The following WIZ variants were observed in gnomAD, a reference collection of about 807,000 sequenced individuals.
WIZ encodes the protein protein Wiz.
Under a neutral mutation model 140.2 loss-of-function variants are expected in WIZ, and 25 were observed. The ratio of observed to expected loss-of-function variants is 0.18; its 90% CI spans 0.13 to 0.25. The LOEUF (loss-of-function observed/expected upper bound fraction) is 0.25. Among genes scored for constraint, WIZ ranks in the 10% least tolerant of loss-of-function variants. The pLI is 1.00. For missense variants in WIZ, 2,231 were observed against 2,632.6 expected (o/e 0.85, Z 3.34); for synonymous variants, 1,125 against 1,154.3 (o/e 0.97, Z 0.51).
Position 15,440,185 on chromosome 19 carries a change from G to A in WIZ, c.809C>T (p.Ser270Leu), listed in dbSNP as rs899186592. Residue 270 changes from serine to leucine, a missense_variant, in exon 4 of 13, where the codon TCG becomes TTG. Physicochemically the swap from Ser to Leu is moderately radical, Grantham distance 145. This residue lies in a region of WIZ where 307 missense variants were observed against 294.1 expected (regional missense o/e 1.04). Transcript: ENST00000673675. The surrounding 1 kb of genome is among the most constrained non-coding windows in gnomAD (Gnocchi z 6.2). ...CTGCAGCCGCTCCACAGAAGCCTCC[G>A]AGTTCACTGTCCAGGTCTGTGTGGC... ...EVATQTWTVNSEASVERLQPL... is the reference protein window; with the variant it reads ...EVATQTWTVNLEASVERLQPL... 3.8e-5 allele frequency: 58 copies of A among 1,531,978 alleles called. No homozygotes were observed. In the Admixed American group the frequency reaches 8.3e-4, roughly 22 times the overall value. 94.9% of individuals were successfully genotyped at this position (1,531,978 alleles called of 1,614,324 possible).
In WIZ at chr19:15,421,971, C is replaced by A. The variant is rs986890859; in HGVS notation, c.*1105G>T. On this transcript the variant is annotated 3_prime_UTR_variant, in exon 13 of 13. Coordinates refer to ENST00000673675, the MANE Select transcript of WIZ (RefSeq NM_001371589.1). ...TGCGTCTGGTCGGCTTGGCGGCCAA[C>A]TGGAAAACCCAGGGCCTCCATGGCG... The A allele has an allele frequency of 1.3e-5, 2 of 152,216 alleles. No individual in the cohort carries two copies. The highest frequency in any genetic ancestry group is 2.9e-5 in the Non-Finnish European group (2 of 68,032). The allele number at this position is 152,216 out of a possible 1,614,324, so 9.4% of individuals were successfully genotyped here.
chr19:15,430,799 CGCCCCGT>C (rs1969183267), intron 6 of WIZ, among the ~76,000 whole-genome samples: 1 of 152,234 alleles, frequency 6.6e-6, no homozygotes, highest in Non-Finnish European at 1.5e-5. Flanking sequence ...TGCTGTCCCT[CGCCCCGT>C]GAGGGTGCAG....
Position 15,424,597 on chromosome 19 carries a change from TCCA to T in WIZ, c.5314+13_5314+15del, listed in dbSNP as rs760991686. 8 of 1,580,474 alleles carry T rather than the reference TCCA, an allele frequency of 5.1e-6. No individual in the cohort carries two copies. The South Asian group carries it at 9.1e-5, about 18-fold the overall frequency. The stretch of plus-strand genomic sequence containing the variant: ...GTGCCCGCTGCGCTCCCGACCCTCC[TCCA>T]CCAAGCACTCACTGTTGATGTTCTG... On this transcript the variant is annotated intron_variant, in intron 11 of 12. Transcript: ENST00000673675. This position sits in a 1 kb window ranked among gnomAD's most constrained non-coding sequence, Gnocchi z 9.7.
chr19:15,421,108 CCT>C lies in WIZ; in HGVS notation c.*1966_*1967del, dbSNP rs961449242. 1.8e-4 allele frequency: 28 copies of C among 152,112 alleles called. No individual in the cohort carries two copies. Among genetic ancestry groups the C allele is most frequent in the African/African-American group, 5.3e-4 (22 of 41,500 alleles). The allele number at this position is 152,112 out of a possible 1,614,324, so 9.4% of individuals were successfully genotyped here. ...TCCAGCTTGGGCAACAAAATGAGAC[CCT>C]GTCTCAAAAAATAAAATAAAAAAAT... On this transcript the variant is annotated 3_prime_UTR_variant, in exon 13 of 13. Transcript: ENST00000673675.
chr19:15,438,835 A>G lies in WIZ; in HGVS notation c.2159T>C (p.Leu720Pro). 1 of 1,493,260 alleles carries G rather than the reference A, an allele frequency of 6.7e-7. No individual in the cohort carries two copies. Among genetic ancestry groups the G allele is most frequent in the Non-Finnish European group, 8.9e-7 (1 of 1,119,156 alleles). The allele number at this position is 1,493,260 out of a possible 1,614,324, so 92.5% of individuals were successfully genotyped here. ...GLAGAHPLDFLLLDAPLGGPL... is the reference protein window; with the variant it reads ...GLAGAHPLDFPLLDAPLGGPL... Reference sequence around the variant, plus strand: ...GCCGCCCAGCGGCGCGTCCAGGAGCAGGAAGTCCAGGGGGTGGGCGCCTGC... The same window carrying G: ...GCCGCCCAGCGGCGCGTCCAGGAGCGGGAAGTCCAGGGGGTGGGCGCCTGC... The change falls in exon 4 of 13, where the codon CTG becomes CCG. Residue 720 changes from leucine to proline, a missense_variant. Physicochemically the swap from Leu to Pro is moderately conservative, Grantham distance 98 (BLOSUM62 -3). Transcript: ENST00000673675.
chr19:15,448,842 C>CT (rs1907385031), intron 1 of WIZ, among the ~76,000 whole-genome samples: 1 of 152,112 alleles, frequency 6.6e-6, no homozygotes, highest in African/African-American at 2.4e-5. Flanking sequence ...ATCATTACCC[C>CT]TTTACTTTTC....
rs762731186 is a variant in WIZ, at chr19:15,442,689, G to C, written c.265C>G (p.Arg89Gly). ...CATGGCACTCACCAGCTGCTGATCC[G>C]ATGGGTGGCGGAGGTGACACGGGGG... is the stretch of plus-strand genomic sequence containing the variant. ...ALPRVTSATHRISSCCWDGGS... is the reference protein window; with the variant it reads ...ALPRVTSATHGISSCCWDGGS... Residue 89 changes from arginine to glycine, a missense_variant, in exon 3 of 13, where the codon CGG becomes GGG. Coordinates refer to ENST00000673675, the MANE Select transcript of WIZ (RefSeq NM_001371589.1). This position sits in a 1 kb window ranked among gnomAD's most constrained non-coding sequence, Gnocchi z 5.5. 8.1e-7 allele frequency: 1 copy of C among 1,232,576 alleles called. No individual in the cohort carries two copies. Among genetic ancestry groups the C allele is most frequent in the Non-Finnish European group, 1.0e-6 (1 of 988,334 alleles). The allele number at this position is 1,232,576 out of a possible 1,614,324, so 76.4% of individuals were successfully genotyped here.
At chr19:15,445,257 A>G (rs1396759086) in intron 2 of WIZ, among the ~76,000 whole-genome samples, 1 of 152,182 alleles carries the variant, frequency 6.6e-6, no homozygotes, top group Non-Finnish European at 1.5e-5. Flanking sequence ...AACTTGGTAG[A>G]GTGGCCAAGA....
chr19:15,428,066 C>A lies in WIZ; in HGVS notation c.3814+44G>T. 1.3e-6 allele frequency: 2 copies of A among 1,523,534 alleles called. No individual in the cohort carries two copies. The highest frequency in any genetic ancestry group is 1.2e-5 in the South Asian group (1 of 82,194). 94.4% of individuals were successfully genotyped at this position (1,523,534 alleles called of 1,614,324 possible). ...TGTGACCCCCCCCCCGGGAGGGGCT[C>A]CAGGGCCCGCAGTGAGGAGGGGGCA... On this transcript the variant is annotated intron_variant, in intron 8 of 12. Coordinates refer to ENST00000673675, the MANE Select transcript of WIZ (RefSeq NM_001371589.1). This position sits in a 1 kb window ranked among gnomAD's most constrained non-coding sequence, Gnocchi z 6.4.
chr19:15,439,953 C>G lies in WIZ; in HGVS notation c.1041G>C (p.Ala347=). Residue 347 remains alanine, a synonymous_variant, in exon 4 of 13, where the codon GCG becomes GCC. Transcript: ENST00000673675. The surrounding 1 kb of genome is among the most constrained non-coding windows in gnomAD (Gnocchi z 7.0). ...CCCCGCAGGCCAGCGGGGCCAGGTC[C>G]GCAGGGGGCTCCTGGCCCGGGGCTC... ...HRRAPGQEPP[A]DLAPLACGEC... 1 of 1,535,356 alleles carries G rather than the reference C, an allele frequency of 6.5e-7. No individual in the cohort carries two copies. Among genetic ancestry groups the G allele is most frequent in the Admixed American group, 2.0e-5 (1 of 50,930 alleles).
intron 3 of WIZ, among the ~76,000 whole-genome samples, chr19:15,441,594 T>A (rs1381129254): frequency 6.6e-6 from 1 of 152,180 alleles, no homozygotes; most frequent in Non-Finnish European, 1.5e-5. Context: ...GGGTTCTTAT[T>A]ATGACCATTT....
chr19:15,429,721 T>G lies in WIZ; in HGVS notation c.3280A>C (p.Thr1094Pro). Residue 1094 changes from threonine to proline, a missense_variant, in exon 7 of 13, where the codon ACA becomes CCA. Thr to Pro is a conservative substitution (Grantham distance 38). Transcript: ENST00000673675. The stretch of plus-strand genomic sequence containing the variant: ...GGGGAGCCCGCCAGGGCCAGTGGTG[T>G]CTTTTTGAGGAGTGGAGAGCTGGGC... Reference protein sequence around the residue: ...HPPSSPLLKKTPLALAGSPTP... With the variant: ...HPPSSPLLKKPPLALAGSPTP... 1 of 1,456,430 alleles carries G rather than the reference T, an allele frequency of 6.9e-7. No individual in the cohort carries two copies. Among genetic ancestry groups the G allele is most frequent in the Non-Finnish European group, 9.0e-7 (1 of 1,107,764 alleles). The allele number at this position is 1,456,430 out of a possible 1,614,324, so 90.2% of individuals were successfully genotyped here.
chr19:15,442,308 C>T lies in WIZ; in HGVS notation c.278+368G>A, dbSNP rs985744670. On this transcript the variant is annotated intron_variant, in intron 3 of 12. Coordinates refer to ENST00000673675, the MANE Select transcript of WIZ (RefSeq NM_001371589.1). This position sits in a 1 kb window ranked among gnomAD's most constrained non-coding sequence, Gnocchi z 5.5. ...CCCAATGCCCCTTGGATCCTCAAGG[C>T]GAATTCATGAGATGCATCTTATGGA... 6.6e-6 allele frequency among the ~76,000 whole-genome samples: 1 copy of T among 152,152 alleles called. No individual in the cohort carries two copies. The highest frequency in any genetic ancestry group is 2.4e-5 in the African/African-American group (1 of 41,430).
chr19:15,429,785 C>A lies in WIZ; in HGVS notation c.3216G>T (p.Lys1072Asn). 1 of 1,519,192 alleles carries A rather than the reference C, an allele frequency of 6.6e-7. No individual in the cohort carries two copies. The highest frequency in any genetic ancestry group is 1.2e-5 in the South Asian group (1 of 83,062). 94.1% of individuals were successfully genotyped at this position (1,519,192 alleles called of 1,614,324 possible). A position where few individuals can be genotyped will look rare whatever the true frequency, so the allele number is the denominator to read the frequency against. ...LDAPAVNKAI[K>N]SPPGFSAKGL... ...CCTTGGCCGAGAAGCCGGGAGGCGA[C>A]TTGATGGCTTTGTTGACAGCAGGGG... is the stretch of plus-strand genomic sequence containing the variant. Residue 1072 changes from lysine to asparagine, a missense_variant, in exon 7 of 13, where the codon AAG becomes AAT. By Grantham distance (94) the Lys-to-Asn change is moderately conservative (BLOSUM62 0). Transcript: ENST00000673675.
At chr19:15,430,957 T>C (rs1722548244) in intron 6 of WIZ, 55 bp downstream of exon 6, 1 of 1,472,924 alleles carries the variant, frequency 6.8e-7, no homozygotes, top group African/African-American at 1.4e-5. Context: ...AGAGTGCTCC[T>C]GTGAGTGTAA....
rs1969661436 is a variant in WIZ at position 15,439,773 on chromosome 19, G to C, written c.1221C>G (p.Val407=). 1 of 1,486,474 alleles carries C rather than the reference G, an allele frequency of 6.7e-7. No homozygotes were observed. The highest frequency in any genetic ancestry group is 1.4e-5 in the African/African-American group (1 of 71,092). 92.1% of individuals were successfully genotyped at this position (1,486,474 alleles called of 1,614,324 possible). Residue 407 remains valine, a synonymous_variant, in exon 4 of 13, where the codon GTC becomes GTG. Transcript: ENST00000673675. The surrounding 1 kb of genome is among the most constrained non-coding windows in gnomAD (Gnocchi z 7.0). The part of the protein sequence containing the change: ...REARLQCPKC[V]FGTNSSRAYV... The stretch of plus-strand genomic sequence containing the variant: ...AGGCCCTGGATGAATTGGTGCCAAA[G>C]ACACACTTAGGGCACTGCAGCCGTG...
Position 15,420,067 on chromosome 19 carries a change from G to A in WIZ, c.*3009C>T, listed in dbSNP as rs960585545. The stretch of plus-strand genomic sequence containing the variant: ...AATAGTGGCATTTACAACGTTGAGA[G>A]AAACATACTGAAATACTAAGAAGTT... On this transcript the variant is annotated 3_prime_UTR_variant, in exon 13 of 13. Transcript: ENST00000673675. The A allele has an allele frequency of 1.3e-5, 2 of 152,184 alleles. No homozygotes were observed. Among genetic ancestry groups the A allele is most frequent in the African/African-American group, 4.8e-5 (2 of 41,428 alleles). The allele number at this position is 152,184 out of a possible 1,614,324, so 9.4% of individuals were successfully genotyped here.
intron 2 of WIZ, among the ~76,000 whole-genome samples, chr19:15,443,458 C>T (rs894645569): frequency 5.5e-4 from 84 of 152,326 alleles, no homozygotes; most frequent in African/African-American, 1.9e-3. Context: ...TCTCTCCTGG[C>T]CCTTCAATGC....
rs1002466106 is a variant in WIZ, at chr19:15,436,843, G to C, written c.2703C>G (p.Pro901=). Residue 901 remains proline, a synonymous_variant, in exon 5 of 13, where the codon CCC becomes CCG. Transcript: ENST00000673675. Reference sequence around the variant, plus strand: ...CTGGCCCAGGGTCCTCAGCCCAGGTGGGTGGAAAGGGCACCGTGAGAGGTA... The same window carrying C: ...CTGGCCCAGGGTCCTCAGCCCAGGTCGGTGGAAAGGGCACCGTGAGAGGTA... ...PRLPLTVPFP[P]TWAEDPGPAY... The C allele has an allele frequency of 3.1e-6, 5 of 1,610,672 alleles. No homozygotes were observed. The highest frequency in any genetic ancestry group is 4.2e-6 in the Non-Finnish European group (5 of 1,178,860).
Sources: gnomAD v4.1 joint callset for allele counts (sites outside exome capture counted in the v4.1 genomes callset) on GRCh38, gnomAD v4.1.1 for gene constraint, gnomAD v4.1.1 regional missense constraint, Gnocchi (gnomAD v3.1) non-coding constraint, MANE v1.5 for transcripts, NCBI Gene and HGNC (gene_info 2026-07-23, HGNC 2026-07-21) for gene names.